The following LTBP1 variants were observed in gnomAD, a reference collection of about 807,000 sequenced individuals.
LTBP1 encodes latent transforming growth factor beta binding protein 1, also known as latent-transforming growth factor beta-binding protein 1.
A neutral mutation model predicts 207.6 loss-of-function variants in LTBP1; 129 were observed. The ratio of observed to expected loss-of-function variants is 0.62; its 90% confidence interval spans 0.54 to 0.72. The LOEUF (loss-of-function observed/expected upper bound fraction) is 0.72. Among genes scored for constraint, LTBP1 ranks in the 30% least tolerant of loss-of-function variants. The pLI is 0.00. For missense variants in LTBP1, 2,281 were observed against 2,217.2 expected (o/e 1.03, Z -0.58); for synonymous variants, 963 against 833.7 (o/e 1.16, Z -2.67).
At chr2:33,277,812 T>TCTTTCTTTCTTTCTTTCTTTCTTTCTTTC (rs1426926473) in intron 18 of LTBP1, among the ~76,000 whole-genome samples, 1 of 103,784 alleles carries the variant, frequency 9.6e-6, no homozygotes, top group Non-Finnish European at 2.0e-5. Flanking sequence ...TCTCTTTCTT[T>TCTTTCTTTCTTTCTTTCTTTCTTTCTTTC]TTTTCTTTCT....
intron 2 of LTBP1, among the ~76,000 whole-genome samples, chr2:32,949,576 T>G (rs1425471432): frequency 1.3e-5 from 2 of 152,194 alleles, no homozygotes; most frequent in African/African-American, 2.4e-5. Flanking sequence ...CACTGGAAAA[T>G]TTTTCTCCTA....
chr2:33,250,427 T>A (rs1466684667), intron 10 of LTBP1, among the ~76,000 whole-genome samples: 1 of 151,988 alleles, frequency 6.6e-6, no homozygotes, highest in Non-Finnish European at 1.5e-5. Flanking sequence ...TTTGAACAGA[T>A]CATCTAACAG....
chr2:33,243,808 C>T, intron 10 of LTBP1, 24 bp downstream of exon 10: 1 of 1,612,896 alleles, frequency 6.2e-7, no homozygotes, highest in Non-Finnish European at 8.5e-7. Context: ...ACTTTTTATT[C>T]CTGTTTTGGA....
intron 2 of LTBP1, among the ~76,000 whole-genome samples, chr2:32,958,312 A>G (rs146070716): frequency 4.9e-4 from 74 of 152,294 alleles, no homozygotes; most frequent in Non-Finnish European, 8.5e-4. Context: ...CTGCACAGTA[A>G]TTGACAAAAA....
chr2:33,367,776 C>T (rs2095011540), intron 31 of LTBP1, among the ~76,000 whole-genome samples: 1 of 152,024 alleles, frequency 6.6e-6, no homozygotes, highest in Non-Finnish European at 1.5e-5. Flanking sequence ...TTCATTGCAG[C>T]ATTGTTTATA....
chr2:33,247,442 A>C (rs1297745111), intron 10 of LTBP1, among the ~76,000 whole-genome samples: 1 of 152,214 alleles, frequency 6.6e-6, no homozygotes, highest in Non-Finnish European at 1.5e-5. Context: ...GGAGTTGGCA[A>C]ATTATAGCCC....
intron 2 of LTBP1, among the ~76,000 whole-genome samples, chr2:33,004,979 G>C (rs1232134233): frequency 2.0e-5 from 3 of 151,928 alleles, no homozygotes; most frequent in Non-Finnish European, 1.5e-5. Context: ...GGCCTATGCT[G>C]GGTCTTCTCC....
In LTBP1 at chr2:33,059,001, T is replaced by C. The variant is rs532503980; in HGVS notation, c.863+37795T>C. ...CTTGTTATTTTCACAGCCATACACA[T>C]TTACTGCCGCTTGAAGTTATCCTTA... is the stretch of plus-strand genomic sequence containing the variant. On this transcript the variant is annotated intron_variant, in intron 3 of 33. Transcript: ENST00000404816. Among the ~76,000 whole-genome samples the C allele has an allele frequency of 2.6e-5, 4 of 152,306 alleles. No individual in the cohort carries two copies. In the South Asian group the frequency reaches 8.3e-4, roughly 32 times the overall value.
intron 15 of LTBP1, among the ~76,000 whole-genome samples, chr2:33,270,236 T>C (rs2093287273): frequency 6.6e-6 from 1 of 151,746 alleles, no homozygotes; most frequent in South Asian, 2.1e-4. Context: ...GTTCAACTTT[T>C]TGATAAGTAG....
chr2:32,986,833 T>C (rs1031988331), intron 2 of LTBP1, among the ~76,000 whole-genome samples: 1 of 152,218 alleles, frequency 6.6e-6, no homozygotes, highest in East Asian at 1.9e-4. Flanking sequence ...TCTAATGATC[T>C]CAGAGTAAGG....
At chr2:32,993,401 A>C (rs1558486219) in intron 2 of LTBP1, among the ~76,000 whole-genome samples, 1 of 152,206 alleles carries the variant, frequency 6.6e-6, no homozygotes, top group Non-Finnish European at 1.5e-5. Context: ...TTGTTTTTAT[A>C]CACACACATA....
At chr2:33,248,443 A>G (rs1310807209) in intron 10 of LTBP1, among the ~76,000 whole-genome samples, 1 of 152,230 alleles carries the variant, frequency 6.6e-6, no homozygotes, top group Non-Finnish European at 1.5e-5. Context: ...TAATCAAGAA[A>G]TGGAAAAGTC....
intron 3 of LTBP1, among the ~76,000 whole-genome samples, chr2:33,055,164 A>C (rs1477540459): frequency 6.6e-6 from 1 of 152,158 alleles, no homozygotes; most frequent in Non-Finnish European, 1.5e-5. Flanking sequence ...TGCAAGGTTT[A>C]ACGATGCCTC....
At chr2:33,195,628 G>A (rs780806491) in intron 7 of LTBP1, among the ~76,000 whole-genome samples, 1 of 152,162 alleles carries the variant, frequency 6.6e-6, no homozygotes, top group Admixed American at 6.5e-5. Flanking sequence ...AGATGAAATC[G>A]ACTCCTGGTG....
intron 6 of LTBP1, among the ~76,000 whole-genome samples, chr2:33,188,295 C>T (rs2087430973): frequency 6.6e-6 from 1 of 151,878 alleles, no homozygotes; most frequent in Non-Finnish European, 1.5e-5. Context: ...GTGGTGGGCA[C>T]CTGTAATCCC....
Position 33,363,482 on chromosome 2 carries a change from G to C in LTBP1, c.4363G>C (p.Gly1455Arg). The C allele has an allele frequency of 6.2e-7, 1 of 1,613,900 alleles. No individual in the cohort carries two copies. The highest frequency in any genetic ancestry group is 8.5e-7 in the Non-Finnish European group (1 of 1,179,830). ...RPGYECYCKQ[G>R]TYYDPVKLQC... is the part of the protein sequence containing the mutation. Reference sequence around the variant, plus strand: ...TGGGTATGAATGCTACTGTAAGCAAGGGACGTACTATGATCCTGTGAAACT... The same window carrying C: ...TGGGTATGAATGCTACTGTAAGCAACGGACGTACTATGATCCTGTGAAACT... The change falls in exon 29 of 34, where the codon GGG becomes CGG. Residue 1455 changes from glycine to arginine, a missense_variant. Gly to Arg is a moderately radical substitution (Grantham distance 125). Transcript: ENST00000404816.
chr2:33,189,904 G>C (rs557693159), intron 7 of LTBP1, among the ~76,000 whole-genome samples: 2 of 152,080 alleles, frequency 1.3e-5, no homozygotes, highest in African/African-American at 2.4e-5. Flanking sequence ...GCAGGCGCCT[G>C]TAATCCCAGC....
At chr2:33,234,107 G>A (rs747070628) in intron 9 of LTBP1, among the ~76,000 whole-genome samples, 53 of 152,126 alleles carry the variant, frequency 3.5e-4, no homozygotes, top group Admixed American at 7.9e-4. Flanking sequence ...ACAGTATATG[G>A]CCAGCACAAT....
At chr2:33,316,540 T>C (rs553151068) in intron 24 of LTBP1, among the ~76,000 whole-genome samples, 4 of 152,278 alleles carry the variant, frequency 2.6e-5, no homozygotes, top group East Asian at 1.9e-4. Context: ...CAGATTTGAC[T>C]AGAACTGGGA....
Sources: allele counts gnomAD v4.1 joint callset (sites outside exome capture counted in the v4.1 genomes callset), GRCh38; gene constraint gnomAD v4.1.1; transcripts MANE v1.5; gene names NCBI Gene and HGNC (gene_info 2026-07-23, HGNC 2026-07-21).